LARGE1: variants seen among roughly 807,000 people sequenced by gnomAD.
LARGE1 encodes the protein xylosyl- and glucuronyltransferase LARGE1.
Under a neutral mutation model 87.6 loss-of-function variants are expected in LARGE1, and 43 were observed. The ratio of observed to expected loss-of-function variants is 0.49; its 90% confidence interval spans 0.38 to 0.63. The LOEUF is 0.63. Among genes scored for constraint, LARGE1 ranks in the 30% least tolerant of loss-of-function variants. The pLI is 0.00. For synonymous variants in LARGE1, 434 were observed against 394.6 expected, an observed-to-expected ratio of 1.10 and a Z score of -1.18; for missense variants, 802 against 1,000.2, an observed-to-expected ratio of 0.80 and a Z score of 2.67.
chr22:33,608,458 C>T (rs559669265), intron 4 of LARGE1, among the ~76,000 whole-genome samples: 68 of 152,294 alleles, frequency 4.5e-4, no homozygotes, highest in African/African-American at 1.6e-3. Flanking sequence ...CTTCTGCTAA[C>T]TCTGCACCTT....
intron 6 of LARGE1, among the ~76,000 whole-genome samples, chr22:33,533,334 G>A (rs913443518): frequency 6.6e-5 from 10 of 152,196 alleles, no homozygotes; most frequent in Non-Finnish European, 1.3e-4. Flanking sequence ...CTGAAAGACC[G>A]AGTCCTCACT....
At chr22:33,904,398 C>T (rs1440465818) in intron 1 of LARGE1, among the ~76,000 whole-genome samples, 3 of 152,180 alleles carry the variant, frequency 2.0e-5, no homozygotes, top group Non-Finnish European at 4.4e-5. Flanking sequence ...TCGTGGTCCC[C>T]CCGCCTCGGC....
intron 7 of LARGE1, among the ~76,000 whole-genome samples, chr22:33,422,059 T>C (rs1384972592): frequency 6.6e-6 from 1 of 152,252 alleles, no homozygotes; most frequent in Non-Finnish European, 1.5e-5. Flanking sequence ...ATCTTACTCA[T>C]TGCTGCCAAC....
chr22:33,416,732 T>C (rs1451434576), intron 7 of LARGE1, among the ~76,000 whole-genome samples: 2 of 151,624 alleles, frequency 1.3e-5, no homozygotes, highest in East Asian at 3.9e-4. Flanking sequence ...GCTTCTAGAG[T>C]AGCTGGGATT....
At chr22:33,823,169 A>C (rs1039606841) in intron 1 of LARGE1, among the ~76,000 whole-genome samples, 4 of 152,202 alleles carry the variant, frequency 2.6e-5, no homozygotes, top group African/African-American at 9.7e-5. Flanking sequence ...ACAAGTCATG[A>C]CTCAACAGTC....
chr22:33,121,949 G>A, the LARGE1 span, among the ~76,000 whole-genome samples: 4 of 152,190 alleles, frequency 2.6e-5, no homozygotes, highest in African/African-American at 9.6e-5. Flanking sequence ...GCATGGGAAA[G>A]ACCCACCCCC....
chr22:33,295,150 T>G (rs575667586), intron 12 of LARGE1, among the ~76,000 whole-genome samples: 47 of 152,256 alleles, frequency 3.1e-4, no homozygotes, highest in Non-Finnish European at 5.9e-4. Context: ...TGGATGCTCG[T>G]AAGAAGTGGA....
chr22:33,409,538 AC>A (rs1287880813), intron 7 of LARGE1, among the ~76,000 whole-genome samples: 1 of 151,986 alleles, frequency 6.6e-6, no homozygotes, highest in African/African-American at 2.4e-5. Context: ...GGATTCTTTT[AC>A]CCACTGAAGC....
At chr22:33,194,721 C>T (rs1923975548) in intron 11 of LARGE1, among the ~76,000 whole-genome samples, 4 of 152,176 alleles carry the variant, frequency 2.6e-5, no homozygotes, top group African/African-American at 7.2e-5. Context: ...AGGCCACATT[C>T]TTGAGATGCC....
intron 11 of LARGE1, among the ~76,000 whole-genome samples, chr22:33,304,717 C>G (rs933421932): frequency 1.9e-4 from 29 of 151,568 alleles, no homozygotes; most frequent in Non-Finnish European, 3.5e-4. Flanking sequence ...CTGCTTCCAA[C>G]TGAACATGTG....
chr22:33,084,892 T>C, the LARGE1 span, among the ~76,000 whole-genome samples: 1 of 152,126 alleles, frequency 6.6e-6, no homozygotes, highest in Admixed American at 6.5e-5. Flanking sequence ...CTAGTGAGTA[T>C]TTTACACTGA....
chr22:33,513,903 T>A (rs2071174037), intron 6 of LARGE1, among the ~76,000 whole-genome samples: 1 of 151,164 alleles, frequency 6.6e-6, no homozygotes, highest in Admixed American at 6.6e-5. Flanking sequence ...AGTGTTGTGG[T>A]CCCATAAGAT....
At chr22:33,368,752 A>G (rs2064691955) in intron 9 of LARGE1, among the ~76,000 whole-genome samples, 1 of 152,188 alleles carries the variant, frequency 6.6e-6, no homozygotes, top group Non-Finnish European at 1.5e-5. Context: ...CATGAAGTGA[A>G]TCACATTTTT....
At chr22:33,116,798 A>G in the LARGE1 span, among the ~76,000 whole-genome samples, 1 of 152,144 alleles carries the variant, frequency 6.6e-6, no homozygotes, top group East Asian at 1.9e-4. Flanking sequence ...TTGGTTGTTG[A>G]GGGGAGGTGG....
chr22:33,482,787 AG>A (rs2069386732), intron 6 of LARGE1, among the ~76,000 whole-genome samples: 1 of 152,182 alleles, frequency 6.6e-6, no homozygotes, highest in Admixed American at 6.5e-5. Context: ...TATTGACTGT[AG>A]GCACCCTATT....
intron 9 of LARGE1, among the ~76,000 whole-genome samples, chr22:33,372,685 C>G (rs908130047): frequency 6.6e-6 from 1 of 152,032 alleles, no homozygotes; most frequent in African/African-American, 2.4e-5. Context: ...AGCTACAATT[C>G]AAGATGAGAT....
chr22:33,231,886 C>T (rs1926023248), intron 11 of LARGE1, among the ~76,000 whole-genome samples: 1 of 152,194 alleles, frequency 6.6e-6, no homozygotes, highest in Non-Finnish European at 1.5e-5. Flanking sequence ...ATTAATTCTG[C>T]TGTTGTGCTC....
intron 12 of LARGE1, among the ~76,000 whole-genome samples, chr22:33,295,230 C>G (rs1933077966): frequency 6.6e-6 from 1 of 152,152 alleles, no homozygotes; most frequent in Admixed American, 6.5e-5. Context: ...CTTATTTTAG[C>G]TTATTCCTGG....
the LARGE1 span, among the ~76,000 whole-genome samples, chr22:33,098,084 A>C: frequency 1.2e-4 from 19 of 152,182 alleles, no homozygotes; most frequent in African/African-American, 4.6e-4. Context: ...AGGCAGGAAG[A>C]TCTCTTGAGC....
Sources: allele counts gnomAD v4.1 joint callset (sites outside exome capture counted in the v4.1 genomes callset), GRCh38; gene constraint gnomAD v4.1.1; transcripts MANE v1.5; gene names NCBI Gene and HGNC (gene_info 2026-07-23, HGNC 2026-07-21).